Variants in WDR59 observed in about 807,000 individuals in gnomAD.
WDR59 encodes WD repeat domain 59, also known as GATOR2 complex protein WDR59.
A neutral mutation model predicts 131.2 loss-of-function variants in WDR59; 100 were observed. The observed-to-expected ratio is 0.76, with a 90% CI of 0.65 to 0.90. The LOEUF is 0.90. WDR59 is among the 40% of genes least tolerant of loss of function. WDR59 has a pLI of 0.00. For missense variants in WDR59, 1,203 were observed against 1,262.2 expected, an observed-to-expected ratio of 0.95 and a Z score of 0.71; for synonymous variants, 601 against 466.2, an observed-to-expected ratio of 1.29 and a Z score of -3.72.
chr16:74,957,422 G>A (rs903282391), intron 2 of WDR59, among the ~76,000 whole-genome samples: 2 of 152,058 alleles, frequency 1.3e-5, no homozygotes, highest in Non-Finnish European at 2.9e-5. Flanking sequence ...CAGGCTCAGT[G>A]CTCTGCACTC....
rs2288042 is a variant in WDR59, at chr16:74,887,495, A to C, written c.2419+188T>G. Among the ~76,000 whole-genome samples, 1,410 of 152,078 alleles carry C rather than the reference A, an allele frequency of 9.3e-3. 47 individuals carry two copies. In the East Asian group the frequency reaches 0.13, roughly 14 times the overall value. Reference sequence around the variant, plus strand: ...AAAAGCAACACAGCAAGGCACAAAGACCCCCAGAACGTGGTCTGTTCAACA... The same window carrying C: ...AAAAGCAACACAGCAAGGCACAAAGCCCCCCAGAACGTGGTCTGTTCAACA... On this transcript the variant is annotated intron_variant, in intron 23 of 25. Transcript: ENST00000262144.
chr16:74,971,192 A>G (rs1400692600), intron 1 of WDR59, among the ~76,000 whole-genome samples: 1 of 152,114 alleles, frequency 6.6e-6, no homozygotes, highest in Admixed American at 6.6e-5. Flanking sequence ...ATAATTTATC[A>G]CCCACGAGTT....
chr16:74,905,708 TA>T (rs911505805), intron 17 of WDR59, among the ~76,000 whole-genome samples: 15 of 148,970 alleles, frequency 1.0e-4, no homozygotes, highest in African/African-American at 3.4e-4. Flanking sequence ...AAATAAAAAA[TA>T]AAAAAATAAA....
intron 1 of WDR59, among the ~76,000 whole-genome samples, chr16:74,967,754 G>T (rs2033831085): frequency 6.6e-6 from 1 of 151,614 alleles, no homozygotes; most frequent in Non-Finnish European, 1.5e-5. Context: ...AGCTACTCAG[G>T]AGGCTGAGGC....
intron 7 of WDR59, among the ~76,000 whole-genome samples, chr16:74,941,181 A>C (rs1000298699): frequency 6.6e-6 from 1 of 150,572 alleles, no homozygotes; most frequent in Non-Finnish European, 1.5e-5. Context: ...CAAAAAAAAA[A>C]TTTTTTTTAA....
intron 18 of WDR59, chr16:74,894,053 A>G (rs1482089890): frequency 1.4e-5 from 6 of 418,244 alleles, no homozygotes; most frequent in Non-Finnish European, 2.6e-5. Context: ...TCAAAAACAC[A>G]TATCAGGAAG....
At chr16:74,980,992 C>G (rs2034381007) in intron 1 of WDR59, among the ~76,000 whole-genome samples, 1 of 150,584 alleles carries the variant, frequency 6.6e-6, no homozygotes, top group Admixed American at 6.7e-5. Context: ...TATTTTTAGG[C>G]CAAGGTGGGA....
chr16:74,931,667 G>A (rs2031399973), intron 8 of WDR59, among the ~76,000 whole-genome samples: 1 of 152,046 alleles, frequency 6.6e-6, no homozygotes, highest in African/African-American at 2.4e-5. Context: ...GATCACAAGA[G>A]CTGAGTCTAC....
chr16:74,975,125 C>T (rs1438717155), intron 1 of WDR59, among the ~76,000 whole-genome samples: 2 of 152,186 alleles, frequency 1.3e-5, no homozygotes, highest in Non-Finnish European at 2.9e-5. Context: ...CCTTGGGATG[C>T]CAAGGTCGGT....
intron 3 of WDR59, among the ~76,000 whole-genome samples, chr16:74,954,215 C>A (rs1055138001): frequency 1.3e-5 from 2 of 152,050 alleles, no homozygotes; most frequent in Non-Finnish European, 2.9e-5. Flanking sequence ...TTGAGACCAG[C>A]TGGACCAACA....
chr16:74,948,897 C>G (rs947259246), intron 5 of WDR59, among the ~76,000 whole-genome samples: 2 of 152,104 alleles, frequency 1.3e-5, no homozygotes, highest in Non-Finnish European at 2.9e-5. Flanking sequence ...ACTCGGGAGA[C>G]TGAGGCAGGA....
intron 1 of WDR59, among the ~76,000 whole-genome samples, chr16:74,972,598 C>G (rs1261857101): frequency 1.3e-5 from 2 of 151,588 alleles, no homozygotes; most frequent in Non-Finnish European, 2.9e-5. Flanking sequence ...CGATGGGAGG[C>G]CAAGGTGGGT....
intron 14 of WDR59, among the ~76,000 whole-genome samples, chr16:74,910,336 G>C (rs1250956442): frequency 1.3e-5 from 2 of 152,164 alleles, no homozygotes; most frequent in East Asian, 3.9e-4. Flanking sequence ...GCATGGTTAA[G>C]TCAAGGCTTC....
intron 8 of WDR59, among the ~76,000 whole-genome samples, chr16:74,927,847 T>C (rs1438324198): frequency 1.3e-5 from 2 of 151,780 alleles, no homozygotes; most frequent in Non-Finnish European, 2.9e-5. Flanking sequence ...AACCAGATGC[T>C]GGACTTGAAG....
At chr16:74,913,930 G>C (rs942911723) in intron 13 of WDR59, among the ~76,000 whole-genome samples, 3 of 152,166 alleles carry the variant, frequency 2.0e-5, no homozygotes, top group Admixed American at 6.5e-5. Context: ...ATTTTGGCTG[G>C]GCACAGTGGC....
intron 2 of WDR59, among the ~76,000 whole-genome samples, 176 bp from the exon 3 acceptor site, chr16:74,956,786 C>T (rs1369255910): frequency 2.0e-5 from 3 of 152,172 alleles, no homozygotes; most frequent in African/African-American, 4.8e-5. Flanking sequence ...TTCAAGGTGG[C>T]TGTCACACAA....
At chr16:74,887,776 A>G (rs761594850) in intron 22 of WDR59, 21 bp from the exon 23 acceptor site, 2 of 1,606,462 alleles carry the variant, frequency 1.2e-6, no homozygotes, top group Non-Finnish European at 1.7e-6. Context: ...GAAGAGAAGA[A>G]CCAACAGGAC....
At chr16:74,954,155 T>C (rs1453682392) in intron 3 of WDR59, among the ~76,000 whole-genome samples, 1 of 152,160 alleles carries the variant, frequency 6.6e-6, no homozygotes. Flanking sequence ...ATGCCTGTAA[T>C]CCAAGCACTT....
intron 13 of WDR59, among the ~76,000 whole-genome samples, chr16:74,914,914 CAT>C (rs1231174546): frequency 6.6e-6 from 1 of 152,082 alleles, no homozygotes; most frequent in Non-Finnish European, 1.5e-5. Context: ...TTAAAAGCCA[CAT>C]GAGATAGTTA....
Sources: allele counts gnomAD v4.1 joint callset (sites outside exome capture counted in the v4.1 genomes callset), GRCh38; gene constraint gnomAD v4.1.1; transcripts MANE v1.5; gene names NCBI Gene and HGNC (gene_info 2026-07-23, HGNC 2026-07-21).